DAB2IP: variants seen among roughly 807,000 people sequenced by gnomAD.
The protein encoded by DAB2IP is DAB2 interacting protein.
A neutral mutation model predicts 107.2 loss-of-function variants in DAB2IP; 28 were observed. The observed-to-expected ratio is 0.26, with a 90% CI of 0.19 to 0.36. DAB2IP has a LOEUF of 0.36. Ranked by LOEUF, DAB2IP falls within the 10% of genes least tolerant of loss-of-function variation. DAB2IP has a pLI of 1.00. For missense variants in DAB2IP, 1,400 were observed against 1,644.7 expected (o/e 0.85, Z 2.57); for synonymous variants, 755 against 706.4 (o/e 1.07, Z -1.09).
chr9:121,771,565 A>C (rs1045135013), intron 11 of DAB2IP, among the ~76,000 whole-genome samples: 1 of 152,114 alleles, frequency 6.6e-6, no homozygotes, highest in Admixed American at 6.5e-5. Context: ...TGAGTGTGCC[A>C]AGTGAAGACA....
chr9:121,781,434 C>T, intron 14 of DAB2IP, 30 bp from the exon 15 acceptor site: 2 of 1,611,720 alleles, frequency 1.2e-6, no homozygotes, highest in Non-Finnish European at 1.7e-6. Context: ...CCTCCAGGGC[C>T]AGTCTGACTG....
intron 2 of DAB2IP, among the ~76,000 whole-genome samples, chr9:121,693,481 C>G (rs973965719): frequency 3.3e-5 from 5 of 152,342 alleles, no homozygotes; most frequent in African/African-American, 7.2e-5. Flanking sequence ...TTTTGGCATT[C>G]GGGCAAAGCC....
chr9:121,715,781 G>T lies in DAB2IP; in HGVS notation c.362+16323G>T, dbSNP rs558744565. 2.8e-4 allele frequency among the ~76,000 whole-genome samples: 43 copies of T among 152,322 alleles called. 1 individual carries two copies. The South Asian group carries it at 8.7e-3, about 31-fold the overall frequency. Reference sequence around the variant, plus strand: ...GGTTTATTCCCTGCCTCTAATCCCAGCTGGACTGTCATCAGGTAGGGCCTA... The same window carrying T: ...GGTTTATTCCCTGCCTCTAATCCCATCTGGACTGTCATCAGGTAGGGCCTA... On this transcript the variant is annotated intron_variant, in intron 3 of 15. Transcript: ENST00000408936.
At chr9:121,770,386 C>T (rs1429508698) in intron 10 of DAB2IP, among the ~76,000 whole-genome samples, 160 bp from the exon 11 acceptor site, 1 of 152,210 alleles carries the variant, frequency 6.6e-6, no homozygotes, top group East Asian at 1.9e-4. Flanking sequence ...GATTCCTGGG[C>T]TCACCCCCCT....
chr9:121,681,103 C>T (rs1828578282), intron 2 of DAB2IP, among the ~76,000 whole-genome samples: 1 of 152,252 alleles, frequency 6.6e-6, no homozygotes, highest in East Asian at 1.9e-4. Context: ...TACCCCATTT[C>T]CCAGGTGAGG....
intron 2 of DAB2IP, among the ~76,000 whole-genome samples, chr9:121,681,618 G>T (rs1354769560): frequency 1.3e-5 from 2 of 152,216 alleles, no homozygotes; most frequent in African/African-American, 4.8e-5. Flanking sequence ...GGAAACTGAG[G>T]TTCAGAGGTG....
chr9:121,605,116 C>G (rs1251595627), intron 1 of DAB2IP, among the ~76,000 whole-genome samples: 1 of 152,118 alleles, frequency 6.6e-6, no homozygotes, highest in Non-Finnish European at 1.5e-5. Context: ...GCCTTCCAGG[C>G]TCAAATGATC....
chr9:121,595,602 C>CAAAA (rs34697198), intron 1 of DAB2IP, among the ~76,000 whole-genome samples: 58 of 133,302 alleles, frequency 4.4e-4, no homozygotes, highest in Non-Finnish European at 7.0e-4. Context: ...GGTGCTGTCT[C>CAAAA]AAAAAAAAAA....
rs1301819489 is a variant in DAB2IP, at chr9:121,592,964, GTGGC to G, written c.40+25737_40+25740del. 3.7e-3 allele frequency among the ~76,000 whole-genome samples: 568 copies of G among 152,276 alleles called. 3 individuals are homozygous for G. The highest frequency in any genetic ancestry group is 0.013 in the African/African-American group (545 of 41,550). On this transcript the variant is annotated intron_variant, in intron 1 of 16. Coordinates refer to the DAB2IP transcript ENST00000259371. ...TGTTGTACAGCGCCTCACTCAGGGG[GTGGC>G]ACAAAGGACAGGAGGAAAGAGCCCC...
At position 121,666,038 on chromosome 9, in the gene DAB2IP, C is replaced by G. The variant is rs549275834; in HGVS notation, c.125-12640C>G. Among the ~76,000 whole-genome samples, 22 of 152,304 alleles carry G rather than the reference C, an allele frequency of 1.4e-4. No individual in the cohort carries two copies. In the South Asian group the frequency reaches 4.6e-3, roughly 32 times the overall value. The stretch of plus-strand genomic sequence containing the variant: ...GTTCTGGGGGACAGAAGTCTGAAAT[C>G]ATTTTCGCTGGGCTAAAATCAAGGT... On this transcript the variant is annotated intron_variant, in intron 1 of 15. Coordinates refer to ENST00000408936, the Ensembl canonical transcript of DAB2IP.
intron 1 of DAB2IP, among the ~76,000 whole-genome samples, chr9:121,631,299 C>G (rs1360864187): frequency 6.6e-6 from 1 of 152,154 alleles, no homozygotes; most frequent in Non-Finnish European, 1.5e-5. Context: ...ACCTGATTGA[C>G]CATCCTGGGA....
At chr9:121,639,321 C>G (rs981202136) in intron 1 of DAB2IP, among the ~76,000 whole-genome samples, 2 of 152,240 alleles carry the variant, frequency 1.3e-5, no homozygotes, top group African/African-American at 4.8e-5. Flanking sequence ...CCTCTAATCT[C>G]CCTGTGCTAG....
intron 3 of DAB2IP, among the ~76,000 whole-genome samples, chr9:121,754,116 G>A (rs1833314716): frequency 6.6e-6 from 1 of 152,176 alleles, no homozygotes; most frequent in Non-Finnish European, 1.5e-5. Flanking sequence ...CTTGGGCCTT[G>A]AATTGGTCCT....
At chr9:121,673,225 A>ACCCAACCCCATGCTCCATGT (rs1226146525) in intron 1 of DAB2IP, among the ~76,000 whole-genome samples, 1 of 152,068 alleles carries the variant, frequency 6.6e-6, no homozygotes, top group Admixed American at 6.5e-5. Flanking sequence ...TTGGCTCCTC[A>ACCCAACCCCATGCTCCATGT]CCCAACCCCA....
chr9:121,714,877 G>A lies in DAB2IP; in HGVS notation c.362+15419G>A, dbSNP rs531849695. 1.2e-4 allele frequency among the ~76,000 whole-genome samples: 19 copies of A among 152,370 alleles called. No individual in the cohort carries two copies. The East Asian group carries it at 3.5e-3, about 28-fold the overall frequency. ...GAGCTCTCAGGGAAGAACCTTCTGG[G>A]CAGTGGGAGAACTCGTGCAGTCCTG... On this transcript the variant is annotated intron_variant, in intron 3 of 15. Transcript: ENST00000408936.
chr9:121,732,652 G>A (rs970175242), intron 3 of DAB2IP, among the ~76,000 whole-genome samples: 1 of 152,168 alleles, frequency 6.6e-6, no homozygotes, highest in African/African-American at 2.4e-5. Context: ...CAGGAACAGC[G>A]AGCAGAGGCT....
At chr9:121,675,450 G>A (rs1273108915) in intron 1 of DAB2IP, among the ~76,000 whole-genome samples, 2 of 152,194 alleles carry the variant, frequency 1.3e-5, no homozygotes, top group East Asian at 3.8e-4. Flanking sequence ...AAGCAGTCGG[G>A]CTTAGGGTCC....
At chr9:121,729,643 C>T (rs368764261) in intron 3 of DAB2IP, among the ~76,000 whole-genome samples, 42 of 152,300 alleles carry the variant, frequency 2.8e-4, no homozygotes, top group African/African-American at 9.6e-4. Flanking sequence ...CCATTAATTG[C>T]TTTACATAGG....
chr9:121,782,492 T>A lies in DAB2IP; in HGVS notation c.3564T>A (p.Asn1188Lys), dbSNP rs762766346. ...ACGGCGAGTTCAGAAACAGCAGCAATTGTTAACCTGCCTGAGGAGGGAGGA... is the reference window on the plus strand; with the variant it reads ...ACGGCGAGTTCAGAAACAGCAGCAAATGTTAACCTGCCTGAGGAGGGAGGA... Residue 1188 changes from asparagine to lysine, a missense_variant, in exon 16 of 16, where the codon AAT becomes AAA. By Grantham distance (94) the Asn-to-Lys change is moderately conservative (BLOSUM62 0). This residue lies in a region of DAB2IP where 600 missense variants were observed against 659.1 expected (regional missense o/e 0.91). Coordinates refer to ENST00000408936, the Ensembl canonical transcript of DAB2IP. The surrounding 1 kb of genome is among the most constrained non-coding windows in gnomAD (Gnocchi z 6.1). The A allele has an allele frequency of 6.2e-7, 1 of 1,613,452 alleles. No homozygotes were observed. The highest frequency in any genetic ancestry group is 1.3e-5 in the African/African-American group (1 of 74,806).
Sources: gnomAD v4.1 joint callset for allele counts (sites outside exome capture counted in the v4.1 genomes callset) on GRCh38, gnomAD v4.1.1 for gene constraint, gnomAD v4.1.1 regional missense constraint, Gnocchi (gnomAD v3.1) non-coding constraint, MANE v1.5 for transcripts, NCBI Gene and HGNC (gene_info 2026-07-23, HGNC 2026-07-21) for gene names.